The following FADS3 variants were observed in gnomAD, a reference collection of about 807,000 sequenced individuals.
FADS3 encodes fatty acid desaturase 3, also known as cytochrome b5-related protein.
A neutral mutation model predicts 60.4 loss-of-function variants in FADS3; 30 were observed. That is an observed-to-expected ratio of 0.50 (90% CI 0.37 to 0.67). FADS3 has a LOEUF of 0.67. FADS3 is among the 30% of genes least tolerant of loss of function. The pLI, the probability that FADS3 is intolerant of heterozygous loss-of-function variation, is 0.00. For missense variants in FADS3, 432 were observed against 598.3 expected (o/e 0.72, Z 2.90); for synonymous variants, 234 against 249.3 (o/e 0.94, Z 0.58).
At position 61,876,245 on chromosome 11, in the gene FADS3, AC is replaced by A; in HGVS notation, c.1081-56del. On this transcript the variant is annotated intron_variant, in intron 9 of 11. Coordinates refer to ENST00000278829, the MANE Select transcript of FADS3 (RefSeq NM_021727.5). This position sits in a 1 kb window ranked among gnomAD's most constrained non-coding sequence, Gnocchi z 5.7. ...GAGGCCGTTGCAGATCCCTGACCCC[AC>A]GGCACCATCCCCCACCTGGCAGCCC... is the stretch of plus-strand genomic sequence containing the variant. The A allele has an allele frequency of 6.4e-7, 1 of 1,574,470 alleles. No individual in the cohort carries two copies. Among genetic ancestry groups the A allele is most frequent in the Non-Finnish European group, 8.6e-7 (1 of 1,158,742 alleles).
At chr11:61,883,850 A>G (rs1440987146) in intron 1 of FADS3, among the ~76,000 whole-genome samples, 1 of 152,188 alleles carries the variant, frequency 6.6e-6, no homozygotes, top group East Asian at 1.9e-4. Context: ...CCTTGCAATG[A>G]TAAGGGGAAG....
In FADS3 at chr11:61,891,052, A is replaced by G. The variant is rs970386791; in HGVS notation, c.213+117T>C. On this transcript the variant is annotated intron_variant, in intron 1 of 11. Coordinates refer to ENST00000278829, the MANE Select transcript of FADS3 (RefSeq NM_021727.5). Reference sequence around the variant, plus strand: ...AACTCTGGGTCCCGGCGTGGAGGTCAAAGGTCAGCGAGGGGAGGGAGGATG... The same window carrying G: ...AACTCTGGGTCCCGGCGTGGAGGTCGAAGGTCAGCGAGGGGAGGGAGGATG... The G allele has an allele frequency of 1.5e-5, 14 of 927,080 alleles. No individual in the cohort carries two copies. The Admixed American group carries it at 3.1e-4, about 20-fold the overall frequency. 57.4% of individuals were successfully genotyped at this position (927,080 alleles called of 1,614,324 possible).
rs1323822770 is a variant in FADS3 at position 61,882,117 on chromosome 11, T to G, written c.214-1966A>C. 3.1e-4 allele frequency: 43 copies of G among 137,918 alleles called. No individual in the cohort carries two copies. In the East Asian group the frequency reaches 7.2e-3, roughly 23 times the overall value. The allele number at this position is 137,918 out of a possible 1,614,324, so 8.5% of individuals were successfully genotyped here. ...CTGGGTGTTTTTTTTTTTTTTTTTT[T>G]TTTTTTTTTTTGAGATAGGGTCTTG... On this transcript the variant is annotated intron_variant, in intron 1 of 11. Coordinates refer to ENST00000278829, the MANE Select transcript of FADS3 (RefSeq NM_021727.5).
rs1180353164 is a variant in FADS3, at chr11:61,877,592, A to G, written c.809-5T>C. ...GGGTGAGCAGCGGCGGGCCGACTGC[A>G]AGAAGGGGCATGAGAGTGTTCAGGA... On this transcript the variant is annotated splice_polypyrimidine_tract_variant and splice_region_variant and intron_variant, in intron 6 of 11. Coordinates refer to ENST00000278829, the MANE Select transcript of FADS3 (RefSeq NM_021727.5). This position sits in a 1 kb window ranked among gnomAD's most constrained non-coding sequence, Gnocchi z 4.7. 6.2e-7 allele frequency: 1 copy of G among 1,613,176 alleles called. No homozygotes were observed. Among genetic ancestry groups the G allele is most frequent in the Non-Finnish European group, 8.5e-7 (1 of 1,179,902 alleles).
chr11:61,877,443 C>T lies in FADS3; in HGVS notation c.885+68G>A. 1.4e-6 allele frequency: 2 copies of T among 1,472,234 alleles called. No individual in the cohort carries two copies. The highest frequency in any genetic ancestry group is 1.9e-6 in the Non-Finnish European group (2 of 1,060,346). The allele number at this position is 1,472,234 out of a possible 1,614,324, so 91.2% of individuals were successfully genotyped here. On this transcript the variant is annotated intron_variant, in intron 7 of 11. Transcript: ENST00000278829. The surrounding 1 kb of genome is among the most constrained non-coding windows in gnomAD (Gnocchi z 4.7). ...CCCTGTTTGCCTTCATGGGCAGGTA[C>T]TGTCCCCCGAGGCACCACCTCCTGC...
At chr11:61,878,997 G>A in intron 3 of FADS3, 150 bp from the exon 4 acceptor site, 1 of 691,244 alleles carries the variant, frequency 1.4e-6, no homozygotes, top group Non-Finnish European at 2.4e-6. Context: ...TTTTACAGAT[G>A]AGAACTGAGT....
At chr11:61,883,931 G>T (rs1337292414) in intron 1 of FADS3, among the ~76,000 whole-genome samples, 3 of 152,258 alleles carry the variant, frequency 2.0e-5, no homozygotes, top group African/African-American at 7.2e-5. Context: ...GGAAGGGACA[G>T]GTGGGGCTGT....
At chr11:61,886,648 C>G (rs887476659) in intron 1 of FADS3, among the ~76,000 whole-genome samples, 5 of 152,088 alleles carry the variant, frequency 3.3e-5, no homozygotes, top group African/African-American at 1.2e-4. Flanking sequence ...TACAAAGGCC[C>G]TACCCTTCAA....
chr11:61,881,988 G>C (rs759199590), intron 1 of FADS3: 1 of 152,126 alleles, frequency 6.6e-6, no homozygotes, highest in Non-Finnish European at 1.5e-5. Context: ...GGGAAGGCTG[G>C]GGGTCCCCAG....
intron 1 of FADS3, among the ~76,000 whole-genome samples, chr11:61,884,815 C>T (rs577191001): frequency 1.3e-5 from 2 of 152,200 alleles, no homozygotes. Context: ...CATCGGGTAC[C>T]GGAGCAGAGC....
chr11:61,876,809 G>T lies in FADS3; in HGVS notation c.983+57C>A. 1 of 1,317,428 alleles carries T rather than the reference G, an allele frequency of 7.6e-7. No individual in the cohort carries two copies. Among genetic ancestry groups the T allele is most frequent in the South Asian group, 1.3e-5 (1 of 79,656 alleles). The allele number at this position is 1,317,428 out of a possible 1,614,324, so 81.6% of individuals were successfully genotyped here. On this transcript the variant is annotated intron_variant, in intron 8 of 11. Coordinates refer to ENST00000278829, the MANE Select transcript of FADS3 (RefSeq NM_021727.5). This position sits in a 1 kb window ranked among gnomAD's most constrained non-coding sequence, Gnocchi z 5.7. ...ACGGGAAAAGGGAAGCTCTGGTGGG[G>T]GGCTGCAGTGGGGGTCACCTGTCGC...
rs765844529 is a variant in FADS3 at position 61,875,868 on chromosome 11, C to G, written c.1269G>C (p.Ala423=). Residue 423 remains alanine (A), a synonymous_variant, in exon 11 of 12, where the codon GCG becomes GCC. Coordinates refer to ENST00000278829, the MANE Select transcript of FADS3 (RefSeq NM_021727.5). ...AGCCTCACCTGACGATGTCCACCAG[C>G]GCGGTGAGGAAGGGCTTCACTTCGT... ...LSYEVKPFLT[A]LVDIVRSLKK... 6.2e-7 allele frequency: 1 copy of G among 1,613,370 alleles called. No individual in the cohort carries two copies. Among genetic ancestry groups the G allele is most frequent in the Middle Eastern group, 1.7e-4 (1 of 6,054 alleles).
At chr11:61,878,471 G>C (rs372141360) in intron 5 of FADS3, 41 bp downstream of exon 5, 3 of 1,602,384 alleles carry the variant, frequency 1.9e-6, no homozygotes, top group Non-Finnish European at 2.6e-6. Flanking sequence ...CCCCTCAGCT[G>C]CAGGCCCAGC....
chr11:61,880,075 G>T lies in FADS3; in HGVS notation c.290C>A (p.Ala97Asp). Residue 97 changes from alanine to aspartate, a missense_variant, in exon 2 of 12, where the codon GCT becomes GAT. By Grantham distance (126) the Ala-to-Asp change is moderately radical (BLOSUM62 -2). This residue lies in a region of FADS3 where 167 missense variants were observed against 188.8 expected (regional missense o/e 0.88). Transcript: ENST00000278829. ...FLQPLLIGEL[A>D]PEEPSQDGPL... ...TCCATCCTGGCTGGGTTCTTCCGGA[G>T]CCAGCTCTCCAATCAACAGGGGCTG... is the stretch of plus-strand genomic sequence containing the variant. 6.2e-7 allele frequency: 1 copy of T among 1,614,106 alleles called. No individual in the cohort carries two copies. Among genetic ancestry groups the T allele is most frequent in the East Asian group, 2.2e-5 (1 of 44,878 alleles).
intron 1 of FADS3, among the ~76,000 whole-genome samples, chr11:61,889,529 C>G (rs139743654): frequency 0.048 from 7,291 of 152,214 alleles, 197 homozygotes; most frequent in Admixed American, 0.077. Context: ...TGCCCGTAAT[C>G]CCAGCTACTC....
Position 61,875,983 on chromosome 11 carries a change from G to A in FADS3, c.1161-7C>T, listed in dbSNP as rs745888723. The A allele has an allele frequency of 6.2e-7, 1 of 1,613,586 alleles. No homozygotes were observed. Among genetic ancestry groups the A allele is most frequent in the Non-Finnish European group, 8.5e-7 (1 of 1,180,026 alleles). On this transcript the variant is annotated splice_polypyrimidine_tract_variant and splice_region_variant and intron_variant, in intron 10 of 11. Coordinates refer to ENST00000278829, the MANE Select transcript of FADS3 (RefSeq NM_021727.5). Reference sequence around the variant, plus strand: ...CGGCATCCTGGGGAAGAGGCTGGGGGTGGGGAGCGTATGCTGGCACCTGAA... The same window carrying A: ...CGGCATCCTGGGGAAGAGGCTGGGGATGGGGAGCGTATGCTGGCACCTGAA...
chr11:61,883,836 T>C (rs1938219594), intron 1 of FADS3, among the ~76,000 whole-genome samples: 1 of 152,248 alleles, frequency 6.6e-6, no homozygotes, highest in Non-Finnish European at 1.5e-5. Flanking sequence ...AAGCCAGATC[T>C]ACCCCTTGCA....
At chr11:61,879,897 G>C in intron 2 of FADS3, 144 bp downstream of exon 2, 1 of 639,208 alleles carries the variant, frequency 1.6e-6, no homozygotes, top group Non-Finnish European at 2.7e-6. Context: ...TGCCCCCTGG[G>C]AGGGGAGGGC....
In FADS3 at chr11:61,875,933, G is replaced by A. The variant is rs2135990205; in HGVS notation, c.1204C>T (p.Pro402Ser). 1 of 1,613,856 alleles carries A rather than the reference G, an allele frequency of 6.2e-7. No individual in the cohort carries two copies. Among genetic ancestry groups the A allele is most frequent in the East Asian group, 2.2e-5 (1 of 44,884 alleles). Residue 402 changes from proline to serine, a missense_variant, in exon 11 of 12, where the codon CCG becomes TCG. Coordinates refer to ENST00000278829, the MANE Select transcript of FADS3 (RefSeq NM_021727.5). ...MPRHNYSRVA[P>S]LVKSLCAKHG... ...TTGGCACACAGCGACTTGACCAGCG[G>A]GGCCACCCGGCTGTAGTTGTGTCTC...
Sources: gnomAD v4.1 joint callset for allele counts (sites outside exome capture counted in the v4.1 genomes callset) on GRCh38, gnomAD v4.1.1 for gene constraint, gnomAD v4.1.1 regional missense constraint, Gnocchi (gnomAD v3.1) non-coding constraint, MANE v1.5 for transcripts, NCBI Gene and HGNC (gene_info 2026-07-23, HGNC 2026-07-21) for gene names.